Variants in BTBD1 observed in about 807,000 individuals in gnomAD.
BTBD1 encodes the protein BTB domain containing 1.
Under a neutral mutation model 48.0 loss-of-function variants are expected in BTBD1, and 34 were observed. The ratio of observed to expected loss-of-function variants is 0.71; its 90% confidence interval spans 0.54 to 0.94. The LOEUF (loss-of-function observed/expected upper bound fraction) is 0.94, where lower values mean the gene tolerates loss of function less well. Ranked by LOEUF, BTBD1 falls within the 40% of genes least tolerant of loss-of-function variation. The pLI is 0.00. For missense variants in BTBD1, 543 were observed against 625.6 expected (o/e 0.87, Z 1.41); for synonymous variants, 261 against 242.1 (o/e 1.08, Z -0.72).
At chr15:83,028,909 T>C (rs1055191462) in intron 5 of BTBD1, among the ~76,000 whole-genome samples, 1 of 152,196 alleles carries the variant, frequency 6.6e-6, no homozygotes, top group Non-Finnish European at 1.5e-5. Flanking sequence ...GCTTATGGAT[T>C]TATGAATTCT....
intron 1 of BTBD1, among the ~76,000 whole-genome samples, chr15:83,058,395 G>A (rs1596444487): frequency 6.6e-6 from 1 of 152,160 alleles, no homozygotes; most frequent in Admixed American, 6.5e-5. Flanking sequence ...TTAATTGAGA[G>A]AGAGAGAATG....
chr15:83,022,759 C>T (rs755380020), intron 5 of BTBD1, among the ~76,000 whole-genome samples: 5 of 151,970 alleles, frequency 3.3e-5, no homozygotes, highest in South Asian at 4.1e-4. Flanking sequence ...GTCAGGGGAT[C>T]GAGACCATTC....
intron 5 of BTBD1, chr15:83,028,519 T>A (rs941311932): frequency 2.2e-4 from 33 of 152,296 alleles, no homozygotes; most frequent in African/African-American, 7.7e-4. Context: ...GATGCCTATA[T>A]AAGGGTTATG....
chr15:83,048,494 G>T (rs7177599), intron 3 of BTBD1, among the ~76,000 whole-genome samples: 62,653 of 151,868 alleles, frequency 0.41, 13,438 homozygotes, highest in Middle Eastern at 0.52. Flanking sequence ...CAAGACAAAA[G>T]GTACATTGTT....
At chr15:83,020,568 G>A in intron 6 of BTBD1, 107 bp downstream of exon 6, 2 of 746,400 alleles carry the variant, frequency 2.7e-6, no homozygotes, top group Non-Finnish European at 2.2e-6. Flanking sequence ...GGGGCCTTCT[G>A]ATTGCTTTGA....
chr15:83,026,853 C>A (rs12913826), intron 5 of BTBD1, among the ~76,000 whole-genome samples: 1 of 152,078 alleles, frequency 6.6e-6, no homozygotes. Flanking sequence ...CAGACTTTTA[C>A]AAGAGGCAAC....
chr15:83,019,328 C>T (rs1041356779), intron 6 of BTBD1, among the ~76,000 whole-genome samples: 1 of 151,956 alleles, frequency 6.6e-6, no homozygotes, highest in Non-Finnish European at 1.5e-5. Flanking sequence ...TCCCAAAGTG[C>T]TGGTGTGAGC....
Position 83,018,774 on chromosome 15 carries a change from C to A in BTBD1, c.1223G>T (p.Arg408Met). ...FSCDGTANTF[R>M]VMFKEPIEIL... ...CTCTATGGGTTCCTTGAACATGACC[C>A]TGAATGTGTTAGCTGTCCCATCACA... Residue 408 changes from arginine to methionine, a missense_variant, in exon 7 of 8, where the codon AGG becomes ATG. Physicochemically the swap from Arg to Met is moderately conservative, Grantham distance 91. This residue lies in a region of BTBD1 where 300 missense variants were observed against 350.0 expected (regional missense o/e 0.86). Transcript: ENST00000261721. 6.2e-7 allele frequency: 1 copy of A among 1,614,150 alleles called. No homozygotes were observed. Among genetic ancestry groups the A allele is most frequent in the Non-Finnish European group, 8.5e-7 (1 of 1,180,008 alleles).
At chr15:83,019,248 G>A (rs1208724697) in intron 6 of BTBD1, among the ~76,000 whole-genome samples, 1 of 152,044 alleles carries the variant, frequency 6.6e-6, no homozygotes, top group Non-Finnish European at 1.5e-5. Flanking sequence ...TTTTAGTAGA[G>A]ACAGGGTTTC....
Position 83,056,479 on chromosome 15 carries a change from C to T in BTBD1, c.468G>A (p.Lys156=). ...CTTCCAAGGCTGGGACTGCGTATTT[C>T]TTGGCAGTATAAAGAGTGGTCATAA... The part of the protein sequence containing the change: ...ETVMTTLYTA[K]KYAVPALEAH... The change falls in exon 2 of 8, where the codon AAG becomes AAA. Residue 156 remains lysine (K), a synonymous_variant. Coordinates refer to ENST00000261721, the MANE Select transcript of BTBD1 (RefSeq NM_025238.4). 1 of 1,612,874 alleles carries T rather than the reference C, an allele frequency of 6.2e-7. No individual in the cohort carries two copies. Among genetic ancestry groups the T allele is most frequent in the Non-Finnish European group, 8.5e-7 (1 of 1,178,952 alleles).
intron 3 of BTBD1, among the ~76,000 whole-genome samples, chr15:83,048,473 C>G (rs1377802520): frequency 6.6e-6 from 1 of 152,184 alleles, no homozygotes; most frequent in East Asian, 1.9e-4. Flanking sequence ...TTAGATCTCT[C>G]TACTCTCCTA....
At chr15:83,050,982 A>G (rs1409421144) in intron 2 of BTBD1, among the ~76,000 whole-genome samples, 1 of 151,994 alleles carries the variant, frequency 6.6e-6, no homozygotes, top group Non-Finnish European at 1.5e-5. Context: ...TTAGAAGTCA[A>G]GCTTACAATA....
chr15:83,054,395 TAGTG>T (rs2033046416), intron 2 of BTBD1, among the ~76,000 whole-genome samples: 1 of 151,904 alleles, frequency 6.6e-6, no homozygotes, highest in Admixed American at 6.6e-5. Context: ...CACAGCATCA[TAGTG>T]AGGAGTAAGT....
chr15:83,028,758 T>C (rs1418800914), intron 5 of BTBD1: 1 of 152,158 alleles, frequency 6.6e-6, no homozygotes, highest in Non-Finnish European at 1.5e-5. Flanking sequence ...ATCAACATGT[T>C]CAATTTATTA....
chr15:83,065,203 CT>C (rs1181196783), intron 1 of BTBD1, among the ~76,000 whole-genome samples: 1 of 152,224 alleles, frequency 6.6e-6, no homozygotes, highest in East Asian at 1.9e-4. Flanking sequence ...TTGAATGCTT[CT>C]TACGTGTGGA....
At chr15:83,026,649 A>C (rs192734423) in intron 5 of BTBD1, among the ~76,000 whole-genome samples, 1 of 151,158 alleles carries the variant, frequency 6.6e-6, no homozygotes, top group Non-Finnish European at 1.5e-5. Context: ...CAGCCTCCCA[A>C]GTAGCTGGTA....
intron 1 of BTBD1, among the ~76,000 whole-genome samples, chr15:83,062,722 T>G (rs1049972512): frequency 6.0e-5 from 9 of 149,240 alleles, no homozygotes; most frequent in African/African-American, 2.2e-4. Context: ...AGTAGAGCTT[T>G]GGAGACACAT....
At chr15:83,018,998 G>A (rs1596418779) in intron 6 of BTBD1, 145 bp from the exon 7 acceptor site, 2 of 244,506 alleles carry the variant, frequency 8.2e-6, no homozygotes, top group Non-Finnish European at 1.6e-5. Flanking sequence ...GTGGGGGGGT[G>A]GGGGGTGGTG....
At chr15:83,058,564 G>T (rs572931106) in intron 1 of BTBD1, among the ~76,000 whole-genome samples, 1 of 151,782 alleles carries the variant, frequency 6.6e-6, no homozygotes, top group East Asian at 1.9e-4. Flanking sequence ...AGCGGAGATC[G>T]CAACACTGCA....
Sources: allele counts gnomAD v4.1 joint callset (sites outside exome capture counted in the v4.1 genomes callset), GRCh38; gene constraint gnomAD v4.1.1; regional missense constraint gnomAD v4.1.1; transcripts MANE v1.5; gene names NCBI Gene and HGNC (gene_info 2026-07-23, HGNC 2026-07-21).